Variants in VOPP1 observed in about 807,000 individuals in gnomAD.
VOPP1 encodes the protein WW domain binding protein VOPP1.
VOPP1 carries 8 observed loss-of-function variants against 23.5 expected under a neutral mutation model. The observed-to-expected ratio is 0.34, with a 90% CI of 0.20 to 0.61. The LOEUF (loss-of-function observed/expected upper bound fraction) is 0.61, where lower values mean the gene tolerates loss of function less well. Ranked by LOEUF, VOPP1 falls within the 20% of genes least tolerant of loss-of-function variation. The probability of loss-of-function intolerance (pLI) is 0.78; values close to 1 mark genes in which losing one functional copy is unlikely to be tolerated. For synonymous variants in VOPP1, 83 were observed against 97.3 expected (o/e 0.85, Z 0.86); for missense variants, 174 against 238.1 (o/e 0.73, Z 1.77).
At chr7:55,476,652 C>T (rs1260281607) in intron 4 of VOPP1, among the ~76,000 whole-genome samples, 8 of 152,164 alleles carry the variant, frequency 5.3e-5, no homozygotes, top group African/African-American at 1.9e-4. Flanking sequence ...AAACTCAGGG[C>T]ACGTGGGTCT....
chr7:55,440,964 A>G (rs1420658277), intron 4 of VOPP1, among the ~76,000 whole-genome samples: 1 of 151,972 alleles, frequency 6.6e-6, no homozygotes, highest in African/African-American at 2.4e-5. Context: ...CACGGAACAC[A>G]CCCGGATGAC....
chr7:55,570,452 T>C (rs1348669291), intron 1 of VOPP1, among the ~76,000 whole-genome samples: 2 of 152,312 alleles, frequency 1.3e-5, no homozygotes, highest in African/African-American at 4.8e-5. Flanking sequence ...GTTTCAACTT[T>C]GCAGACATGA....
intron 4 of VOPP1, among the ~76,000 whole-genome samples, chr7:55,451,504 T>G (rs1171730677): frequency 6.6e-6 from 1 of 152,186 alleles, no homozygotes. Flanking sequence ...AAAAATACTT[T>G]ATTGTGGCCG....
intron 4 of VOPP1, among the ~76,000 whole-genome samples, chr7:55,481,991 C>T (rs1271480505): frequency 1.3e-5 from 2 of 152,150 alleles, no homozygotes; most frequent in African/African-American, 4.8e-5. Flanking sequence ...AGATTAATAG[C>T]AATGCATTGA....
intron 4 of VOPP1, among the ~76,000 whole-genome samples, chr7:55,473,638 G>A (rs1792011857): frequency 6.6e-6 from 1 of 152,226 alleles, no homozygotes; most frequent in Admixed American, 6.5e-5. Context: ...CACAGAAGGT[G>A]ACAGGAGGGT....
chr7:55,448,208 G>T (rs1288906802), intron 4 of VOPP1, among the ~76,000 whole-genome samples: 1 of 152,160 alleles, frequency 6.6e-6, no homozygotes, highest in East Asian at 1.9e-4. Flanking sequence ...GTAAAACATA[G>T]TGACAAGCAT....
intron 2 of VOPP1, among the ~76,000 whole-genome samples, chr7:55,503,703 G>C (rs951012088): frequency 6.6e-6 from 1 of 152,188 alleles, no homozygotes; most frequent in Non-Finnish European, 1.5e-5. Flanking sequence ...GTCTCTGTAA[G>C]AAGAGCCATG....
intron 2 of VOPP1, among the ~76,000 whole-genome samples, chr7:55,507,875 C>T (rs1424307488): frequency 6.6e-6 from 1 of 152,152 alleles, no homozygotes; most frequent in South Asian, 2.1e-4. Flanking sequence ...AAGGAGGGGG[C>T]CATCACTGCT....
intron 2 of VOPP1, among the ~76,000 whole-genome samples, chr7:55,513,233 C>T (rs1795195231): frequency 6.6e-6 from 1 of 152,120 alleles, no homozygotes; most frequent in African/African-American, 2.4e-5. Context: ...TCATCGCTAA[C>T]TTCCCATCAT....
At chr7:55,495,164 G>A (rs1445496977) in intron 3 of VOPP1, among the ~76,000 whole-genome samples, 5 of 151,872 alleles carry the variant, frequency 3.3e-5, no homozygotes, top group Admixed American at 3.3e-4. Context: ...ACCCTGCTGT[G>A]GACTCACCCA....
chr7:55,461,668 A>G (rs762948932), intron 4 of VOPP1, among the ~76,000 whole-genome samples: 39 of 152,264 alleles, frequency 2.6e-4, no homozygotes, highest in South Asian at 6.2e-4. Context: ...CACCCACCTC[A>G]GCCTCCCAAA....
At chr7:55,444,299 A>G (rs1210075573) in intron 4 of VOPP1, among the ~76,000 whole-genome samples, 1 of 152,208 alleles carries the variant, frequency 6.6e-6, no homozygotes, top group Non-Finnish European at 1.5e-5. Context: ...TACATCTGCA[A>G]TGACCCTATT....
intron 4 of VOPP1, among the ~76,000 whole-genome samples, chr7:55,488,495 C>T (rs893614009): frequency 2.6e-5 from 4 of 152,150 alleles, no homozygotes; most frequent in South Asian, 2.1e-4. Context: ...CTTTCCACCA[C>T]GTTCAGAGTT....
At chr7:55,519,785 G>A (rs1327350059) in intron 2 of VOPP1, among the ~76,000 whole-genome samples, 1 of 152,168 alleles carries the variant, frequency 6.6e-6, no homozygotes, top group African/African-American at 2.4e-5. Flanking sequence ...TGCTTTACCC[G>A]CACTCACAGA....
At chr7:55,494,635 T>A (rs916212148) in intron 3 of VOPP1, among the ~76,000 whole-genome samples, 23 of 152,224 alleles carry the variant, frequency 1.5e-4, no homozygotes, top group African/African-American at 5.5e-4. Context: ...ATGTTTATTT[T>A]AAAAATTTAT....
chr7:55,487,098 G>A (rs138015730), intron 4 of VOPP1, among the ~76,000 whole-genome samples: 381 of 152,314 alleles, frequency 2.5e-3, no homozygotes, highest in Non-Finnish European at 4.7e-3. Flanking sequence ...CCTCACAACC[G>A]AAGCAGCCCT....
chr7:55,472,800 A>C lies in VOPP1; in HGVS notation c.*55T>G. On this transcript the variant is annotated 3_prime_UTR_variant, in exon 5 of 5. Transcript: ENST00000285279. ...CCTGGAAGTGAACATCAACGAAGAC[A>C]GAAAGGCCAGGGAAAGGCCCTCTCC... 1.1e-6 allele frequency: 1 copy of C among 878,972 alleles called. No individual in the cohort carries two copies. The allele number at this position is 878,972 out of a possible 1,614,324, so 54.4% of individuals were successfully genotyped here. A position where few individuals can be genotyped will look rare whatever the true frequency, so the allele number is the denominator to read the frequency against.
At chr7:55,441,735 T>C (rs946367848) in intron 4 of VOPP1, among the ~76,000 whole-genome samples, 1 of 151,556 alleles carries the variant, frequency 6.6e-6, no homozygotes. Flanking sequence ...CCCCAGGTCA[T>C]TGGTTCTTTC....
intron 4 of VOPP1, among the ~76,000 whole-genome samples, chr7:55,445,277 AGAC>A (rs1441312716): frequency 3.0e-5 from 2 of 67,512 alleles, no homozygotes. Context: ...ATACACACAC[AGAC>A]ACACACACAC....
Sources: allele counts gnomAD v4.1 joint callset (sites outside exome capture counted in the v4.1 genomes callset), GRCh38; gene constraint gnomAD v4.1.1; transcripts MANE v1.5; gene names NCBI Gene and HGNC (gene_info 2026-07-23, HGNC 2026-07-21).